ATP2B4: variants seen among roughly 807,000 people sequenced by gnomAD.
ATP2B4 encodes plasma membrane calcium-transporting ATPase 4.
ATP2B4 carries 39 observed loss-of-function variants against 110.3 expected under a neutral mutation model. The ratio of observed to expected loss-of-function variants is 0.35; its 90% CI spans 0.27 to 0.46. The LOEUF is 0.46. Among genes scored for constraint, ATP2B4 ranks in the 20% least tolerant of loss-of-function variants. ATP2B4 has a pLI of 1.00. For synonymous variants in ATP2B4, 538 were observed against 571.7 expected, an observed-to-expected ratio of 0.94 and a Z score of 0.84; for missense variants, 1,135 against 1,530.9, an observed-to-expected ratio of 0.74 and a Z score of 4.32.
chr1:203,738,720 A>C (rs1460876056), intron 20 of ATP2B4, among the ~76,000 whole-genome samples: 1 of 152,214 alleles, frequency 6.6e-6, no homozygotes, highest in African/African-American at 2.4e-5. Flanking sequence ...TATCAGAGAC[A>C]TGAACGTGCA....
chr1:203,677,680 TC>T (rs1664868592), intron 1 of ATP2B4, among the ~76,000 whole-genome samples: 1 of 152,178 alleles, frequency 6.6e-6, no homozygotes, highest in Non-Finnish European at 1.5e-5. Flanking sequence ...GCCAGGCTAG[TC>T]TCAAACTCCT....
intron 15 of ATP2B4, among the ~76,000 whole-genome samples, chr1:203,717,950 G>A (rs561559640): frequency 5.3e-5 from 8 of 151,960 alleles, no homozygotes; most frequent in Non-Finnish European, 8.8e-5. Context: ...GGCCTGAAAC[G>A]GCCTCCCAAC....
intron 1 of ATP2B4, among the ~76,000 whole-genome samples, chr1:203,663,550 C>T (rs575100161): frequency 3.3e-5 from 5 of 152,054 alleles, no homozygotes; most frequent in African/African-American, 9.7e-5. Flanking sequence ...TCCCCAGCTC[C>T]AATGTCCTGG....
chr1:203,646,425 C>T lies in ATP2B4; in HGVS notation c.-465+19206C>T, dbSNP rs773136022. Among the ~76,000 whole-genome samples the T allele has an allele frequency of 5.0e-4, 76 of 151,526 alleles. 4 individuals carry two copies. The highest frequency in any genetic ancestry group is 1.8e-4 in the Non-Finnish European group (12 of 67,920). On this transcript the variant is annotated intron_variant, in intron 1 of 20. Coordinates refer to ENST00000357681, the MANE Select transcript of ATP2B4 (RefSeq NM_001684.5). ...TCCAGGAGTTTGAATCCATCTTGGG[C>T]GATATAATGAGAACCCATCTCTAAA...
intron 20 of ATP2B4, among the ~76,000 whole-genome samples, chr1:203,738,231 C>T (rs1282440641): frequency 1.3e-5 from 2 of 152,006 alleles, no homozygotes; most frequent in African/African-American, 4.8e-5. Flanking sequence ...GTCCTACAAC[C>T]ATTTACCTTT....
chr1:203,704,303 A>G (rs576440074), intron 8 of ATP2B4, among the ~76,000 whole-genome samples: 41 of 152,162 alleles, frequency 2.7e-4, no homozygotes, highest in African/African-American at 9.4e-4. Context: ...TCCAGAAGAG[A>G]GGTAACTAAA....
chr1:203,695,319 C>G (rs1487684406), intron 2 of ATP2B4, among the ~76,000 whole-genome samples: 2 of 152,248 alleles, frequency 1.3e-5, no homozygotes, highest in African/African-American at 4.8e-5. Context: ...GGCCCTGCCC[C>G]TTTGGCAAGT....
chr1:203,700,990 G>A, intron 6 of ATP2B4, 67 bp downstream of exon 6: 2 of 1,549,772 alleles, frequency 1.3e-6, no homozygotes, highest in Non-Finnish European at 1.7e-6. Context: ...AAGCGAGGGA[G>A]CAGATCTGGA....
At chr1:203,732,300 C>T (rs1241622171) in intron 20 of ATP2B4, among the ~76,000 whole-genome samples, 3 of 152,152 alleles carry the variant, frequency 2.0e-5, no homozygotes, top group Admixed American at 2.0e-4. Flanking sequence ...CAACCAAAAC[C>T]TCTTCCTCCC....
chr1:203,652,836 C>G (rs1045524714), intron 1 of ATP2B4, among the ~76,000 whole-genome samples: 5 of 152,196 alleles, frequency 3.3e-5, no homozygotes, highest in African/African-American at 1.2e-4. Context: ...TCATCTCTCT[C>G]TTTCTCCTGG....
At chr1:203,688,452 C>A (rs1251688690) in intron 2 of ATP2B4, among the ~76,000 whole-genome samples, 1 of 136,282 alleles carries the variant, frequency 7.3e-6, no homozygotes, top group East Asian at 2.3e-4. Flanking sequence ...GTGTGCACCA[C>A]CACGCCCAGC....
At chr1:203,697,504 A>C (rs141596945) in intron 2 of ATP2B4, among the ~76,000 whole-genome samples, 80 of 152,338 alleles carry the variant, frequency 5.3e-4, no homozygotes, top group African/African-American at 1.7e-3. Context: ...TCAGTAGCAG[A>C]TAAGATTTTA....
rs533709336 is a variant in ATP2B4, at chr1:203,717,440, T to C, written c.2407-3109T>C. ...ACTGCTCTTAGTATGGTTTTGATGCTCAAAGTGATCCACCATTAGGCAGAA... is the reference window on the plus strand; with the variant it reads ...ACTGCTCTTAGTATGGTTTTGATGCCCAAAGTGATCCACCATTAGGCAGAA... On this transcript the variant is annotated intron_variant, in intron 15 of 20. Transcript: ENST00000357681. 2.6e-5 allele frequency among the ~76,000 whole-genome samples: 4 copies of C among 151,814 alleles called. No homozygotes were observed. The South Asian group carries it at 8.3e-4, about 31-fold the overall frequency.
intron 13 of ATP2B4, among the ~76,000 whole-genome samples, chr1:203,712,681 C>T (rs552355744): frequency 6.6e-6 from 1 of 150,772 alleles, no homozygotes; most frequent in East Asian, 2.0e-4. Context: ...GTGTCACTAA[C>T]TTTTCTTGTC....
At chr1:203,730,103 C>T (rs531891623) in intron 20 of ATP2B4, among the ~76,000 whole-genome samples, 8 of 151,918 alleles carry the variant, frequency 5.3e-5, no homozygotes, top group South Asian at 2.1e-4. Context: ...AACAATAAAT[C>T]GTCTTATTTT....
At chr1:203,628,679 T>C (rs558492935) in intron 1 of ATP2B4, among the ~76,000 whole-genome samples, 15 of 152,124 alleles carry the variant, frequency 9.9e-5, no homozygotes, top group Middle Eastern at 3.4e-3. Flanking sequence ...GCGCTTCCCA[T>C]TGGAGGCCCT....
At chr1:203,731,849 C>CAAA (rs35528335) in intron 20 of ATP2B4, among the ~76,000 whole-genome samples, 16,695 of 50,472 alleles carry the variant, frequency 0.33, 3,793 homozygotes, top group Non-Finnish European at 0.35. Flanking sequence ...GACTCTGTCT[C>CAAA]AAAAAAAAAA....
intron 1 of ATP2B4, among the ~76,000 whole-genome samples, chr1:203,661,198 C>T (rs1664328494): frequency 6.6e-6 from 1 of 152,044 alleles, no homozygotes; most frequent in African/African-American, 2.4e-5. Context: ...TTAATCTCTG[C>T]ACCATACTTT....
At chr1:203,733,434 T>A (rs1237926657) in intron 20 of ATP2B4, 1 of 1,568,336 alleles carries the variant, frequency 6.4e-7, no homozygotes, top group Non-Finnish European at 8.7e-7. Context: ...CATGATTTGC[T>A]AAAATGACCA....
Sources: allele counts gnomAD v4.1 joint callset (sites outside exome capture counted in the v4.1 genomes callset), GRCh38; gene constraint gnomAD v4.1.1; transcripts MANE v1.5; gene names NCBI Gene and HGNC (gene_info 2026-07-23, HGNC 2026-07-21).